Variants in ACAD8 observed in about 807,000 individuals in gnomAD.
ACAD8 encodes isobutyryl-CoA dehydrogenase, mitochondrial.
In ACAD8, 47 loss-of-function variants were observed where a neutral mutation model predicts 53.1. The ratio of observed to expected loss-of-function variants is 0.89; its 90% CI spans 0.70 to 1.13. ACAD8 has a LOEUF of 1.13. Ranked by LOEUF, ACAD8 falls within the 50% of genes most tolerant of loss-of-function variation. The probability of loss-of-function intolerance (pLI) is 0.00; values close to 1 mark genes in which losing one functional copy is unlikely to be tolerated. For synonymous variants in ACAD8, 198 were observed against 201.3 expected (o/e 0.98, Z 0.14); for missense variants, 494 against 535.0 (o/e 0.92, Z 0.76).
chr11:134,262,709 G>T, intron 10 of ACAD8, 87 bp downstream of exon 10: 2 of 1,523,908 alleles, frequency 1.3e-6, no homozygotes, highest in Admixed American at 3.9e-5. Context: ...TGCCTCCTGG[G>T]CCTCAGGGTG....
At chr11:134,258,424 G>A in intron 3 of ACAD8, 91 bp from the exon 4 acceptor site, 1 of 855,306 alleles carries the variant, frequency 1.2e-6, no homozygotes, top group South Asian at 1.4e-5. Flanking sequence ...CCACTGCCCT[G>A]CCCTTTGTTC....
Position 134,261,917 on chromosome 11 carries a change from G to A in ACAD8, c.1092+27G>A. On this transcript the variant is annotated intron_variant, in intron 9 of 10. Coordinates refer to ENST00000281182, the MANE Select transcript of ACAD8 (RefSeq NM_014384.3). This position sits in a 1 kb window ranked among gnomAD's most constrained non-coding sequence, Gnocchi z 4.2. ...TAAGTGATTCCTCTGGCTCTCCTGG[G>A]ATGGACAGGGAACAGCTGCTAGGCC... 1 of 1,612,406 alleles carries A rather than the reference G, an allele frequency of 6.2e-7. No individual in the cohort carries two copies. Among genetic ancestry groups the A allele is most frequent in the Non-Finnish European group, 8.5e-7 (1 of 1,179,898 alleles).
Position 134,253,614 on chromosome 11 carries a change from G to C in ACAD8, c.14G>C (p.Gly5Ala), listed in dbSNP as rs1344518491. The change falls in exon 1 of 11, where the codon GGC (glycine) becomes GCC (alanine). Residue 5 changes from glycine to alanine, a missense_variant. Coordinates refer to ENST00000281182, the MANE Select transcript of ACAD8 (RefSeq NM_014384.3). ...GCTGCGGCGGCTATGCTGTGGAGCG[G>C]CTGCCGGCGTTTCGGGGCGCGCCTC... MLWS[G>A]CRRFGARLGC... The C allele has an allele frequency of 6.3e-7, 1 of 1,580,884 alleles. No individual in the cohort carries two copies.
In ACAD8 at chr11:134,261,373, G is replaced by A. The variant is rs757899755; in HGVS notation, c.939+1G>A. The stretch of plus-strand genomic sequence containing the variant: ...TGGAGAGCCTCTGGCCAGTAACCAG[G>A]TAACCTCTGCCTTGCCTCCACATGG... On this transcript the variant is annotated splice_donor_variant, in intron 8 of 10. Coordinates refer to ENST00000281182, the MANE Select transcript of ACAD8 (RefSeq NM_014384.3). LOFTEE classifies it high-confidence loss of function. This position sits in a 1 kb window ranked among gnomAD's most constrained non-coding sequence, Gnocchi z 4.2. The A allele has an allele frequency of 6.2e-7, 1 of 1,614,062 alleles. No individual in the cohort carries two copies. Among genetic ancestry groups the A allele is most frequent in the South Asian group, 1.1e-5 (1 of 91,074 alleles).
rs1431894914 is a variant in ACAD8, at chr11:134,262,582, G to A, written c.1155G>A (p.Gln385=). The A allele has an allele frequency of 6.2e-7, 1 of 1,614,082 alleles. No individual in the cohort carries two copies. Among genetic ancestry groups the A allele is most frequent in the Non-Finnish European group, 8.5e-7 (1 of 1,179,994 alleles). The change falls in exon 10 of 11, where the codon CAG becomes CAA. Residue 385 remains glutamine (Q), a synonymous_variant. Transcript: ENST00000281182. ...GYGYLKDYAV[Q]QYVRDSRVHQ... ...GCTACCTGAAGGATTACGCTGTTCA[G>A]CAGTACGTGCGGGACTCCAGGGTCC...
Position 134,264,826 on chromosome 11 carries a change from G to T in ACAD8, c.1196-82G>T, listed in dbSNP as rs1591519681. On this transcript the variant is annotated intron_variant, in intron 10 of 10. Coordinates refer to ENST00000281182, the MANE Select transcript of ACAD8 (RefSeq NM_014384.3). Reference sequence around the variant, plus strand: ...TAAATCTGCAGCTACTCTGAACTAGGCCTGGAGCAGCCTGGTCAGAGCTTT... The same window carrying T: ...TAAATCTGCAGCTACTCTGAACTAGTCCTGGAGCAGCCTGGTCAGAGCTTT... 1.8e-5 allele frequency: 22 copies of T among 1,243,710 alleles called. No individual in the cohort carries two copies. The East Asian group carries it at 5.1e-4, about 29-fold the overall frequency. 77.0% of individuals were successfully genotyped at this position (1,243,710 alleles called of 1,614,324 possible). A position where few individuals can be genotyped will look rare whatever the true frequency, so the allele number is the denominator to read the frequency against.
In ACAD8 at chr11:134,257,303, T is replaced by C. The variant is rs200926414; in HGVS notation, c.380+46T>C. 6 of 1,602,002 alleles carry C rather than the reference T, an allele frequency of 3.7e-6. No individual in the cohort carries two copies. In the Admixed American group the frequency reaches 8.3e-5, roughly 22 times the overall value. Reference sequence around the variant, plus strand: ...GGCACAATGAAGTGCTCACTCGGGCTGACTGTGAGAGTTCAGATTCGTAGG... The same window carrying C: ...GGCACAATGAAGTGCTCACTCGGGCCGACTGTGAGAGTTCAGATTCGTAGG... On this transcript the variant is annotated intron_variant, in intron 3 of 10. Coordinates refer to ENST00000281182, the MANE Select transcript of ACAD8 (RefSeq NM_014384.3).
rs1591512554 is a variant in ACAD8 at position 134,260,140 on chromosome 11, T to G, written c.705+395T>G. The G allele has an allele frequency of 2.6e-6, 3 of 1,158,646 alleles. No homozygotes were observed. The East Asian group carries it at 1.9e-4, about 73-fold the overall frequency. 71.8% of individuals were successfully genotyped at this position (1,158,646 alleles called of 1,614,324 possible). A position where few individuals can be genotyped will look rare whatever the true frequency, so the allele number is the denominator to read the frequency against. On this transcript the variant is annotated intron_variant, in intron 6 of 10. Transcript: ENST00000281182. The stretch of plus-strand genomic sequence containing the variant: ...GTGTGGTCCCTTTTGCTTCTTTGAT[T>G]AAAAATAAAGTAAAACTCATTGGAG...
chr11:134,256,540 G>C lies in ACAD8; in HGVS notation c.110-8G>C, dbSNP rs902051912. 8 of 1,612,226 alleles carry C rather than the reference G, an allele frequency of 5.0e-6. No homozygotes were observed. The highest frequency in any genetic ancestry group is 1.7e-5 in the Admixed American group (1 of 60,022). On this transcript the variant is annotated splice_region_variant and splice_polypyrimidine_tract_variant and intron_variant, in intron 1 of 10. Coordinates refer to ENST00000281182, the MANE Select transcript of ACAD8 (RefSeq NM_014384.3). ...GTCCTAGAACAGTATATGCAATCCT[G>C]CCCACAGCTTCCATGGGACTTAATG...
In ACAD8 at chr11:134,261,333, T is replaced by C; in HGVS notation, c.900T>C (p.Asn300=). The change falls in exon 8 of 11, where the codon AAT becomes AAC. Residue 300 remains asparagine, a synonymous_variant. Transcript: ENST00000281182. This position sits in a 1 kb window ranked among gnomAD's most constrained non-coding sequence, Gnocchi z 4.2. ...ASVILTRDHL[N]VRKQFGEPLA... ...TCATCCTCACCCGAGACCACCTCAA[T>C]GTCCGGAAGCAGTTTGGAGAGCCTC... 6.2e-7 allele frequency: 1 copy of C among 1,614,148 alleles called. No homozygotes were observed. The highest frequency in any genetic ancestry group is 8.5e-7 in the Non-Finnish European group (1 of 1,180,016).
At chr11:134,256,708 C>G in intron 2 of ACAD8, 60 bp downstream of exon 2, 1 of 1,417,422 alleles carries the variant, frequency 7.1e-7, no homozygotes. Flanking sequence ...AGACCTTTAT[C>G]TTTGTCTCCT....
intron 4 of ACAD8, 50 bp from the exon 5 acceptor site, chr11:134,258,958 C>T (rs1284983086): frequency 4.1e-6 from 6 of 1,468,574 alleles, no homozygotes; most frequent in Non-Finnish European, 5.7e-6. Flanking sequence ...GCTCCCTCGA[C>T]CTCACTGACT....
intron 10 of ACAD8, 162 bp downstream of exon 10, chr11:134,262,784 G>A: frequency 1.3e-6 from 2 of 1,498,470 alleles, no homozygotes; most frequent in Non-Finnish European, 1.8e-6. Context: ...GTTCTGGCAG[G>A]GGCCTGGAGT....
chr11:134,255,800 C>T (rs1408931603), intron 1 of ACAD8, among the ~76,000 whole-genome samples: 1 of 152,256 alleles, frequency 6.6e-6, no homozygotes, highest in Non-Finnish European at 1.5e-5. Context: ...AAGGAACAGA[C>T]TCTGGCACCT....
In ACAD8 at chr11:134,261,212, C is replaced by T. The variant is rs1386582628; in HGVS notation, c.841+33C>T. Reference sequence around the variant, plus strand: ...ACGCAGGGGTGTGGCAGGGAGGTAGCGGTCCGGGACAGGCACTGCTGTTTT... The same window carrying T: ...ACGCAGGGGTGTGGCAGGGAGGTAGTGGTCCGGGACAGGCACTGCTGTTTT... On this transcript the variant is annotated intron_variant, in intron 7 of 10. Transcript: ENST00000281182. This position sits in a 1 kb window ranked among gnomAD's most constrained non-coding sequence, Gnocchi z 4.2. The T allele has an allele frequency of 1.1e-5, 17 of 1,613,704 alleles. No homozygotes were observed. The highest frequency in any genetic ancestry group is 3.3e-4 in the Middle Eastern group (2 of 6,084).
At position 134,259,706 on chromosome 11, in the gene ACAD8, G is replaced by C. The variant is rs1939764741; in HGVS notation, c.666G>C (p.Lys222Asn). 6.2e-7 allele frequency: 1 copy of C among 1,614,094 alleles called. No individual in the cohort carries two copies. Among genetic ancestry groups the C allele is most frequent in the African/African-American group, 1.3e-5 (1 of 74,922 alleles). ...GCATCTCATGCATAGTTGTTGAGAA[G>C]GGGACCCCTGGCCTCAGCTTTGGCA... Reference protein sequence around the residue: ...PKGISCIVVEKGTPGLSFGKK... With the variant: ...PKGISCIVVENGTPGLSFGKK... The change falls in exon 6 of 11, where the codon AAG becomes AAC. Residue 222 changes from lysine to asparagine, a missense_variant. By Grantham distance (94) the Lys-to-Asn change is moderately conservative. Transcript: ENST00000281182.
At chr11:134,263,063 A>G in intron 10 of ACAD8, 1 of 1,174,750 alleles carries the variant, frequency 8.5e-7, no homozygotes. Context: ...CTGTCTCAAT[A>G]TTACTAGTGT....
chr11:134,258,831 G>T, intron 4 of ACAD8, 177 bp from the exon 5 acceptor site: 1 of 743,142 alleles, frequency 1.3e-6, no homozygotes, highest in Non-Finnish European at 2.4e-6. Context: ...TGGCCTGACT[G>T]GTATGAGCAG....
chr11:134,261,489 C>A lies in ACAD8; in HGVS notation c.939+117C>A. On this transcript the variant is annotated intron_variant, in intron 8 of 10. Coordinates refer to ENST00000281182, the MANE Select transcript of ACAD8 (RefSeq NM_014384.3). The surrounding 1 kb of genome is among the most constrained non-coding windows in gnomAD (Gnocchi z 4.2). ...TTCCTCTGTCAGTCCCACCACTGTCCTAGCCAGAGCTTGTGCTTTATTTCT... is the reference window on the plus strand; with the variant it reads ...TTCCTCTGTCAGTCCCACCACTGTCATAGCCAGAGCTTGTGCTTTATTTCT... 1 of 1,497,568 alleles carries A rather than the reference C, an allele frequency of 6.7e-7. No individual in the cohort carries two copies. The highest frequency in any genetic ancestry group is 9.2e-7 in the Non-Finnish European group (1 of 1,087,058). 92.8% of individuals were successfully genotyped at this position (1,497,568 alleles called of 1,614,324 possible).
Sources: allele counts gnomAD v4.1 joint callset (sites outside exome capture counted in the v4.1 genomes callset), GRCh38; gene constraint gnomAD v4.1.1; non-coding constraint Gnocchi (gnomAD v3.1); transcripts MANE v1.5; gene names NCBI Gene and HGNC (gene_info 2026-07-23, HGNC 2026-07-21).